The following SYT9 variants were observed in gnomAD, a reference collection of about 807,000 sequenced individuals.
The protein encoded by SYT9 is synaptotagmin 9.
In SYT9, 22 loss-of-function variants were observed where a neutral mutation model predicts 48.4. That is an observed-to-expected ratio of 0.45 (90% confidence interval 0.32 to 0.65). The LOEUF (loss-of-function observed/expected upper bound fraction) is 0.65. SYT9 is among the 30% of genes least tolerant of loss of function. SYT9 has a pLI of 0.03. For synonymous variants in SYT9, 265 were observed against 245.0 expected, an observed-to-expected ratio of 1.08 and a Z score of -0.76; for missense variants, 577 against 622.0, an observed-to-expected ratio of 0.93 and a Z score of 0.77.
At chr11:7,291,804 C>G (rs568291228) in intron 1 of SYT9, among the ~76,000 whole-genome samples, 6 of 152,186 alleles carry the variant, frequency 3.9e-5, no homozygotes, top group Non-Finnish European at 8.8e-5. Context: ...CAGTTCTGCT[C>G]TCTAAACACA....
intron 1 of SYT9, among the ~76,000 whole-genome samples, chr11:7,271,733 T>C (rs573982567): frequency 7.2e-5 from 11 of 152,162 alleles, no homozygotes; most frequent in Middle Eastern, 3.4e-3. Flanking sequence ...CGTGCCACCA[T>C]ACCTGACTAA....
intron 6 of SYT9, among the ~76,000 whole-genome samples, chr11:7,443,952 T>C (rs1486235982): frequency 6.6e-6 from 1 of 152,254 alleles, no homozygotes; most frequent in Non-Finnish European, 1.5e-5. Flanking sequence ...CAGTTTACTA[T>C]AGAAGTAACA....
intron 3 of SYT9, among the ~76,000 whole-genome samples, chr11:7,385,358 G>A (rs1221945723): frequency 6.6e-6 from 1 of 150,428 alleles, no homozygotes; most frequent in Non-Finnish European, 1.5e-5. Flanking sequence ...GTGTGTGTGT[G>A]TGTGTGTGTG....
chr11:7,427,653 A>T (rs1847487896), intron 6 of SYT9: 1 of 152,208 alleles, frequency 6.6e-6, no homozygotes, highest in Admixed American at 6.5e-5. Flanking sequence ...TGCCCCATCT[A>T]CCTGTGAAGA....
At chr11:7,398,327 C>T (rs1044082207) in intron 3 of SYT9, among the ~76,000 whole-genome samples, 1 of 151,978 alleles carries the variant, frequency 6.6e-6, no homozygotes, top group African/African-American at 2.4e-5. Context: ...TCCTTTTTAA[C>T]ATTTATATGA....
chr11:7,301,531 A>C (rs1198607576), intron 1 of SYT9, among the ~76,000 whole-genome samples: 1 of 152,326 alleles, frequency 6.6e-6, no homozygotes, highest in East Asian at 1.9e-4. Flanking sequence ...TGCATAGTTG[A>C]AATTGTGAGT....
At chr11:7,332,224 C>G (rs575257709) in intron 3 of SYT9, among the ~76,000 whole-genome samples, 99 of 152,190 alleles carry the variant, frequency 6.5e-4, no homozygotes, top group Non-Finnish European at 8.8e-4. Context: ...AAGAGCACCA[C>G]TGAGGTATCC....
chr11:7,243,571 A>G (rs931565079), intron 1 of SYT9, among the ~76,000 whole-genome samples: 37 of 152,150 alleles, frequency 2.4e-4, no homozygotes, highest in African/African-American at 8.7e-4. Flanking sequence ...CAAGAAAGGG[A>G]TTACTAAAAC....
At chr11:7,373,444 G>A (rs1589980236) in intron 3 of SYT9, among the ~76,000 whole-genome samples, 1 of 151,730 alleles carries the variant, frequency 6.6e-6, no homozygotes, top group African/African-American at 2.4e-5. Context: ...GGCATATGTC[G>A]AGCTCTGGAG....
At chr11:7,403,735 T>A (rs144324127) in intron 3 of SYT9, among the ~76,000 whole-genome samples, 6 of 150,014 alleles carry the variant, frequency 4.0e-5, no homozygotes, top group African/African-American at 1.5e-4. Context: ...TCAAATATAA[T>A]CTGTCCTGTA....
At chr11:7,375,249 G>C (rs1344245653) in intron 3 of SYT9, among the ~76,000 whole-genome samples, 1 of 151,936 alleles carries the variant, frequency 6.6e-6, no homozygotes, top group Non-Finnish European at 1.5e-5. Flanking sequence ...TGTTATTTCT[G>C]AGGCCTCTGT....
chr11:7,278,341 C>G (rs1262028144), intron 1 of SYT9, among the ~76,000 whole-genome samples: 2 of 152,226 alleles, frequency 1.3e-5, no homozygotes, highest in Non-Finnish European at 2.9e-5. Flanking sequence ...GCCCCCACCT[C>G]TCAATACTAC....
chr11:7,453,082 C>G (rs1848088422), intron 6 of SYT9, among the ~76,000 whole-genome samples: 2 of 151,864 alleles, frequency 1.3e-5, no homozygotes, highest in Non-Finnish European at 2.9e-5. Flanking sequence ...GCGCCCGGCC[C>G]TGAAACTCCT....
At chr11:7,332,421 G>A (rs1052167706) in intron 3 of SYT9, among the ~76,000 whole-genome samples, 8 of 152,352 alleles carry the variant, frequency 5.3e-5, no homozygotes, top group Middle Eastern at 3.4e-3. Context: ...CTAAGGAATG[G>A]ATGCACTGGC....
At chr11:7,246,854 GGGCTGGCTGTTGACTGA>G (rs1444496550) in intron 1 of SYT9, among the ~76,000 whole-genome samples, 2 of 152,218 alleles carry the variant, frequency 1.3e-5, no homozygotes, top group Non-Finnish European at 2.9e-5. Context: ...GTGAGGTCTT[GGGCTGGCTGTTGACTGA>G]GGCATCTATT....
intron 5 of SYT9, 70 bp downstream of exon 5, chr11:7,418,198 A>C: frequency 1.3e-6 from 2 of 1,529,834 alleles, no homozygotes; most frequent in South Asian, 1.2e-5. Context: ...GAGGGGGAGC[A>C]GCAGCCACAG....
At chr11:7,363,489 A>G (rs905736236) in intron 3 of SYT9, among the ~76,000 whole-genome samples, 3 of 152,186 alleles carry the variant, frequency 2.0e-5, no homozygotes, top group African/African-American at 7.2e-5. Context: ...ACACTATCCA[A>G]GGAGTGACGC....
At chr11:7,242,701 TA>T (rs1287971630) in intron 1 of SYT9, among the ~76,000 whole-genome samples, 1 of 151,870 alleles carries the variant, frequency 6.6e-6, no homozygotes, top group African/African-American at 2.4e-5. Flanking sequence ...TAGGAGTAGG[TA>T]GATTAGAGGT....
At chr11:7,355,546 G>A (rs1473958693) in intron 3 of SYT9, among the ~76,000 whole-genome samples, 3 of 152,204 alleles carry the variant, frequency 2.0e-5, no homozygotes, top group Non-Finnish European at 4.4e-5. Context: ...GCATGTATGT[G>A]ATGCAGGTTA....
Sources: allele counts gnomAD v4.1 joint callset (sites outside exome capture counted in the v4.1 genomes callset), GRCh38; gene constraint gnomAD v4.1.1; transcripts MANE v1.5; gene names NCBI Gene and HGNC (gene_info 2026-07-23, HGNC 2026-07-21).